Variants in PPL observed in about 807,000 individuals in gnomAD.
The protein encoded by PPL is 190 kDa paraneoplastic pemphigus antigen.
PPL carries 198 observed loss-of-function variants against 194.4 expected under a neutral mutation model. That is an observed-to-expected ratio of 1.02 (90% confidence interval 0.91 to 1.15). PPL has a LOEUF of 1.15. PPL is among the 50% of genes most tolerant of loss of function. PPL has a pLI of 0.00. For synonymous variants in PPL, 1,220 were observed against 972.4 expected (o/e 1.25, Z -4.74); for missense variants, 2,885 against 2,294.8 (o/e 1.26, Z -5.25).
chr16:4,930,669 T>A (rs192298274), intron 1 of PPL, among the ~76,000 whole-genome samples: 2 of 152,004 alleles, frequency 1.3e-5, no homozygotes, highest in African/African-American at 2.4e-5. Context: ...GTCCATAGAA[T>A]AGGTGGATCT....
In PPL at chr16:4,884,598, G is replaced by A; in HGVS notation, c.4057C>T (p.Gln1353Ter). 1 of 1,614,058 alleles carries A rather than the reference G, an allele frequency of 6.2e-7. No homozygotes were observed. Among genetic ancestry groups the A allele is most frequent in the Non-Finnish European group, 8.5e-7 (1 of 1,179,986 alleles). The part of the protein sequence containing the change: ...LSRVKERVVQ[Q>*]EVVRYEEEPG... ...TCCTCCTCATACCTGACCACCTCCT[G>A]CTGCACCACCCTTTCCTTCACCCGC... The change falls in exon 22 of 22, where the codon CAG becomes TAG. Residue 1353 changes from glutamine to a stop codon, truncating the protein, a stop_gained. Coordinates refer to ENST00000345988, the MANE Select transcript of PPL (RefSeq NM_002705.5). LOFTEE classifies it high-confidence loss of function. This position sits in a 1 kb window ranked among gnomAD's most constrained non-coding sequence, Gnocchi z 5.7.
chr16:4,883,621 C>T lies in PPL; in HGVS notation c.5034G>A (p.Gly1678=), dbSNP rs1309205188. 1 of 1,614,166 alleles carries T rather than the reference C, an allele frequency of 6.2e-7. No homozygotes were observed. Among genetic ancestry groups the T allele is most frequent in the East Asian group, 2.2e-5 (1 of 44,882 alleles). ...TCACGAACATGTTCCAGTCAATGAG[C>T]CCGGCACGGTGGGCTTCCTCCGGGG... ...ELSPEEAHRA[G]LIDWNMFVKL... is the part of the protein sequence containing the mutation. The change falls in exon 22 of 22, where the codon GGG becomes GGA. Residue 1678 remains glycine (G), a synonymous_variant. Coordinates refer to ENST00000345988, the MANE Select transcript of PPL (RefSeq NM_002705.5). The surrounding 1 kb of genome is among the most constrained non-coding windows in gnomAD (Gnocchi z 4.8).
rs1468027180 is a variant in PPL at position 4,893,597 on chromosome 16, C to T, written c.1436G>A (p.Gly479Glu). The stretch of plus-strand genomic sequence containing the variant: ...CCGCTGCTGCAGCGTGCGTTTGCTC[C>T]CAGCTGCCTTCTGCCGCACGCTCCG... ...QYRSVRQKAA[G>E]SKRTLQQRYE... Residue 479 changes from glycine (G) to glutamate (E), a missense_variant, in exon 13 of 22, where the codon GGG (glycine) becomes GAG (glutamate). Transcript: ENST00000345988. 4 of 1,610,210 alleles carry T rather than the reference C, an allele frequency of 2.5e-6. No individual in the cohort carries two copies.
chr16:4,919,475 G>C (rs1431271777), intron 1 of PPL, among the ~76,000 whole-genome samples: 1 of 152,066 alleles, frequency 6.6e-6, no homozygotes, highest in Admixed American at 6.5e-5. Context: ...TGTTGACCAG[G>C]CTAGTCCCGA....
chr16:4,893,799 T>C, intron 12 of PPL, 161 bp from the exon 13 acceptor site: 1 of 608,716 alleles, frequency 1.6e-6, no homozygotes, highest in Non-Finnish European at 2.9e-6. Context: ...CTTTCTGTGC[T>C]CCTGGGCTCA....
chr16:4,904,137 C>G, intron 2 of PPL, 97 bp from the exon 3 acceptor site: 3 of 1,286,254 alleles, frequency 2.3e-6, no homozygotes, highest in Non-Finnish European at 3.2e-6. Context: ...CAGGGTGCTC[C>G]CCTTCTTTCC....
intron 2 of PPL, among the ~76,000 whole-genome samples, chr16:4,906,744 C>T (rs926346010): frequency 3.3e-5 from 5 of 152,134 alleles, no homozygotes; most frequent in Admixed American, 1.3e-4. Context: ...CAGAACTGAT[C>T]GATGGTGAGA....
At chr16:4,908,029 G>T (rs2088732327) in intron 2 of PPL, among the ~76,000 whole-genome samples, 1 of 151,910 alleles carries the variant, frequency 6.6e-6, no homozygotes, top group Non-Finnish European at 1.5e-5. Context: ...GGGCGTGGTG[G>T]TGCCTGCCTG....
intron 1 of PPL, among the ~76,000 whole-genome samples, chr16:4,925,670 T>C (rs1413463945): frequency 6.6e-6 from 1 of 152,188 alleles, no homozygotes; most frequent in Non-Finnish European, 1.5e-5. Flanking sequence ...TGTCTCTGTG[T>C]TCTAGGTGAA....
At chr16:4,929,450 C>A (rs1289611652) in intron 1 of PPL, among the ~76,000 whole-genome samples, 1 of 152,156 alleles carries the variant, frequency 6.6e-6, no homozygotes, top group Non-Finnish European at 1.5e-5. Flanking sequence ...AGCTCGCCTT[C>A]TCTACTCCAC....
chr16:4,926,243 T>G (rs950925908), intron 1 of PPL, among the ~76,000 whole-genome samples: 1 of 152,214 alleles, frequency 6.6e-6, no homozygotes, highest in Non-Finnish European at 1.5e-5. Context: ...AAGAGGTCTA[T>G]GCTTGTAACT....
chr16:4,898,340 C>T (rs4238852), intron 8 of PPL, among the ~76,000 whole-genome samples: 121,878 of 152,124 alleles, frequency 0.8, 52,014 homozygotes, highest in East Asian at 0.99. Context: ...ATTACACCAT[C>T]GCACTCCAGC....
chr16:4,926,815 C>T (rs1568060895), intron 1 of PPL, among the ~76,000 whole-genome samples: 3 of 141,646 alleles, frequency 2.1e-5, no homozygotes, highest in South Asian at 4.4e-4. Context: ...GGAGGCAGAA[C>T]TTGCAGTGAG....
chr16:4,901,945 TA>T (rs1211670017), intron 4 of PPL, among the ~76,000 whole-genome samples: 3 of 62,486 alleles, frequency 4.8e-5, no homozygotes, highest in African/African-American at 1.1e-4. Context: ...GTCTCAAAAA[TA>T]AATAAATAAA....
chr16:4,894,520 G>A lies in PPL; in HGVS notation c.1341C>T (p.Ala447=), dbSNP rs746064655. The A allele has an allele frequency of 1.1e-5, 17 of 1,613,800 alleles. No individual in the cohort carries two copies. Among genetic ancestry groups the A allele is most frequent in the Non-Finnish European group, 1.4e-5 (16 of 1,179,990 alleles). ...CTGTGGGGGGGATCACAAAACACACGGCCGGAGCAATCAGCTTGTTCCCAG... is the reference window on the plus strand; with the variant it reads ...CTGTGGGGGGGATCACAAAACACACAGCCGGAGCAATCAGCTTGTTCCCAG... ...DSAGNKLIAP[A]VCFVIPPTDP... The change falls in exon 12 of 22, where the codon GCC becomes GCT. Residue 447 remains alanine, a synonymous_variant. Transcript: ENST00000345988.
chr16:4,908,236 A>T (rs1336650079), intron 2 of PPL, among the ~76,000 whole-genome samples: 2 of 151,410 alleles, frequency 1.3e-5, no homozygotes, highest in African/African-American at 2.4e-5. Flanking sequence ...TCATGCCTGT[A>T]AATCCCAGCA....
intron 16 of PPL, 42 bp downstream of exon 16, chr16:4,891,769 C>G: frequency 6.4e-7 from 1 of 1,569,534 alleles, no homozygotes. Flanking sequence ...ATGCTCTCAC[C>G]TGCTCAGAGA....
At chr16:4,935,435 A>G (rs1302017009) in intron 1 of PPL, among the ~76,000 whole-genome samples, 1 of 152,158 alleles carries the variant, frequency 6.6e-6, no homozygotes, top group African/African-American at 2.4e-5. Context: ...CACGGCTGGC[A>G]CGGAGCATCC....
At chr16:4,933,378 G>A (rs1243198941) in intron 1 of PPL, among the ~76,000 whole-genome samples, 5 of 152,154 alleles carry the variant, frequency 3.3e-5, no homozygotes, top group African/African-American at 1.2e-4. Flanking sequence ...TCTGGGTGGA[G>A]GGGCAAGATT....
Sources: gnomAD v4.1 joint callset for allele counts (sites outside exome capture counted in the v4.1 genomes callset) on GRCh38, gnomAD v4.1.1 for gene constraint, Gnocchi (gnomAD v3.1) non-coding constraint, MANE v1.5 for transcripts, NCBI Gene and HGNC (gene_info 2026-07-23, HGNC 2026-07-21) for gene names.